Variants in INSYN2A observed in about 807,000 individuals in gnomAD.
The protein encoded by INSYN2A is family with sequence similarity 196 member A.
In INSYN2A, 17 loss-of-function variants were observed where a neutral mutation model predicts 39.4. The ratio of observed to expected loss-of-function variants is 0.43; its 90% CI spans 0.30 to 0.65. The LOEUF is 0.65. Ranked by LOEUF, INSYN2A falls within the 30% of genes least tolerant of loss-of-function variation. INSYN2A has a pLI of 0.14. For missense variants in INSYN2A, 595 were observed against 631.2 expected, an observed-to-expected ratio of 0.94 and a Z score of 0.61; for synonymous variants, 255 against 265.7, an observed-to-expected ratio of 0.96 and a Z score of 0.39.
At chr10:127,188,110 T>C (rs925992724) in intron 2 of INSYN2A, among the ~76,000 whole-genome samples, 1 of 152,166 alleles carries the variant, frequency 6.6e-6, no homozygotes, top group African/African-American at 2.4e-5. Flanking sequence ...CATTTTTTTC[T>C]AGAATGAACC....
At chr10:127,172,924 T>C (rs904984094) in intron 4 of INSYN2A, among the ~76,000 whole-genome samples, 7 of 152,204 alleles carry the variant, frequency 4.6e-5, no homozygotes, top group Admixed American at 1.3e-4. Flanking sequence ...ATTTGAAATG[T>C]GACTGCTGTG....
chr10:127,138,207 T>A (rs1159382862), intron 5 of INSYN2A, among the ~76,000 whole-genome samples, 187 bp from the exon 6 acceptor site: 4 of 152,244 alleles, frequency 2.6e-5, no homozygotes, highest in Non-Finnish European at 5.9e-5. Flanking sequence ...GAGGCTCACT[T>A]CCTTTGGAAA....
At chr10:127,164,652 A>T (rs2133735655) in intron 4 of INSYN2A, among the ~76,000 whole-genome samples, 1 of 152,388 alleles carries the variant, frequency 6.6e-6, no homozygotes, top group Non-Finnish European at 1.5e-5. Flanking sequence ...AAATACAGAG[A>T]TGAACACTAT....
At chr10:127,187,917 C>T (rs924107335) in intron 2 of INSYN2A, among the ~76,000 whole-genome samples, 23 of 152,278 alleles carry the variant, frequency 1.5e-4, no homozygotes, top group African/African-American at 4.3e-4. Context: ...AATGCACATA[C>T]GATAAAGAAC....
At chr10:127,140,426 C>T (rs1409360984) in intron 5 of INSYN2A, among the ~76,000 whole-genome samples, 2 of 152,198 alleles carry the variant, frequency 1.3e-5, no homozygotes, top group African/African-American at 4.8e-5. Flanking sequence ...CGCCTGCCAG[C>T]AAGTTGACCC....
intron 4 of INSYN2A, among the ~76,000 whole-genome samples, chr10:127,162,818 G>A (rs1249813524): frequency 6.6e-6 from 1 of 152,214 alleles, no homozygotes; most frequent in African/African-American, 2.4e-5. Context: ...TGTCAGCACT[G>A]TGCATGGCCT....
chr10:127,146,085 A>G (rs1177911642), intron 5 of INSYN2A: 1 of 513,472 alleles, frequency 1.9e-6, no homozygotes, highest in Admixed American at 2.0e-5. Context: ...ATTTACCCCC[A>G]GAAAAATCTC....
At chr10:127,173,054 G>C (rs1391675626) in intron 4 of INSYN2A, among the ~76,000 whole-genome samples, 13 of 152,134 alleles carry the variant, frequency 8.5e-5, no homozygotes, top group African/African-American at 3.1e-4. Flanking sequence ...CAGCCTGTGT[G>C]CCGGGCATAT....
intron 4 of INSYN2A, among the ~76,000 whole-genome samples, chr10:127,164,154 G>A (rs1379762956): frequency 1.7e-5 from 2 of 116,168 alleles, no homozygotes; most frequent in Non-Finnish European, 3.4e-5. Flanking sequence ...CCTGTCATTT[G>A]CCTCCTTTTT....
At chr10:127,166,856 T>G (rs1197669641) in intron 4 of INSYN2A, among the ~76,000 whole-genome samples, 1 of 152,174 alleles carries the variant, frequency 6.6e-6, no homozygotes, top group African/African-American at 2.4e-5. Flanking sequence ...TTGCTCATTT[T>G]ATCTGCAAAT....
At chr10:127,155,024 A>G (rs1159191351) in intron 4 of INSYN2A, among the ~76,000 whole-genome samples, 1 of 152,176 alleles carries the variant, frequency 6.6e-6, no homozygotes, top group Non-Finnish European at 1.5e-5. Context: ...AGGCACAGAC[A>G]TGATAACCGG....
intron 4 of INSYN2A, among the ~76,000 whole-genome samples, chr10:127,161,966 T>G (rs1175215793): frequency 2.0e-5 from 3 of 152,226 alleles, no homozygotes; most frequent in Admixed American, 6.5e-5. Flanking sequence ...AGTAAAACTC[T>G]GGAAAACTGT....
chr10:127,146,876 G>T (rs952076759), intron 5 of INSYN2A, among the ~76,000 whole-genome samples: 1 of 152,164 alleles, frequency 6.6e-6, no homozygotes, highest in Non-Finnish European at 1.5e-5. Context: ...TTAACAATAG[G>T]TCTCCATTAG....
intron 5 of INSYN2A, among the ~76,000 whole-genome samples, chr10:127,142,058 G>A (rs888013059): frequency 2.0e-5 from 3 of 152,220 alleles, no homozygotes; most frequent in African/African-American, 7.2e-5. Flanking sequence ...CACAGTCGCT[G>A]TGCTAAGGGG....
chr10:127,180,498 G>A (rs2055621812), intron 2 of INSYN2A, among the ~76,000 whole-genome samples: 1 of 152,166 alleles, frequency 6.6e-6, no homozygotes, highest in Non-Finnish European at 1.5e-5. Context: ...TGTTTGGCTC[G>A]AGAGAGCTAG....
At chr10:127,159,310 GCTA>G (rs2053380449) in intron 4 of INSYN2A, among the ~76,000 whole-genome samples, 1 of 152,088 alleles carries the variant, frequency 6.6e-6, no homozygotes, top group South Asian at 2.1e-4. Context: ...TCTAGTCAGG[GCTA>G]CCTCTCTGTA....
At chr10:127,152,151 A>C (rs1422437220) in intron 5 of INSYN2A, among the ~76,000 whole-genome samples, 2 of 152,174 alleles carry the variant, frequency 1.3e-5, no homozygotes, top group African/African-American at 4.8e-5. Context: ...TTTAGCTTCC[A>C]AACTAACAGA....
chr10:127,139,784 T>G (rs556172017), intron 5 of INSYN2A, among the ~76,000 whole-genome samples: 15 of 152,320 alleles, frequency 9.8e-5, no homozygotes, highest in African/African-American at 3.6e-4. Flanking sequence ...GCTGTCGTAA[T>G]TACTGAATTG....
At position 127,187,528 on chromosome 10, in the gene INSYN2A, G is replaced by T. The variant is rs371063935; in HGVS notation, c.-269+5077C>A. On this transcript the variant is annotated intron_variant, in intron 2 of 5. Transcript: ENST00000522781. ...AATGGAGTCTTTTAAAAGTTGTTTT[G>T]GTTTTTGTTTTTGTGTGTGGGTTTT... Among the ~76,000 whole-genome samples the T allele has an allele frequency of 2.0e-4, 30 of 152,210 alleles. 1 individual carries two copies. The highest frequency in any genetic ancestry group is 1.7e-3 in the South Asian group (8 of 4,810).
Sources: allele counts gnomAD v4.1 joint callset (sites outside exome capture counted in the v4.1 genomes callset), GRCh38; gene constraint gnomAD v4.1.1; transcripts MANE v1.5; gene names NCBI Gene and HGNC (gene_info 2026-07-23, HGNC 2026-07-21).